Variants in FHIT observed in about 807,000 individuals in gnomAD.
FHIT encodes the protein bis(5'-adenosyl)-triphosphatase.
A neutral mutation model predicts 17.9 loss-of-function variants in FHIT; 19 were observed. The observed-to-expected ratio is 1.06, with a 90% CI of 0.74 to 1.56. The LOEUF (loss-of-function observed/expected upper bound fraction) is 1.56. Among genes scored for constraint, FHIT ranks in the 40% most tolerant of loss-of-function variants. The pLI, the probability that FHIT is intolerant of heterozygous loss-of-function variation, is 0.00. For synonymous variants in FHIT, 81 were observed against 69.7 expected, an observed-to-expected ratio of 1.16 and a Z score of -0.81; for missense variants, 248 against 189.2, an observed-to-expected ratio of 1.31 and a Z score of -1.82.
At chr3:60,244,529 T>C (rs539204534) in intron 5 of FHIT, among the ~76,000 whole-genome samples, 25 of 152,082 alleles carry the variant, frequency 1.6e-4, no homozygotes, top group Non-Finnish European at 3.4e-4. Flanking sequence ...TAACAGTAAA[T>C]AGCTTTTTTA....
chr3:60,903,741 G>A (rs1040123220), intron 3 of FHIT, among the ~76,000 whole-genome samples: 28 of 152,038 alleles, frequency 1.8e-4, no homozygotes, highest in African/African-American at 6.5e-4. Context: ...TCAGCTATTT[G>A]GTGTCTTAAA....
chr3:60,908,267 G>A (rs1411283589), intron 3 of FHIT, among the ~76,000 whole-genome samples: 1 of 152,150 alleles, frequency 6.6e-6, no homozygotes, highest in Non-Finnish European at 1.5e-5. Flanking sequence ...GTTCAGTCAT[G>A]AGTATTATCT....
chr3:60,027,431 G>C (rs1445192274), intron 5 of FHIT, among the ~76,000 whole-genome samples: 1 of 152,012 alleles, frequency 6.6e-6, no homozygotes, highest in African/African-American at 2.4e-5. Context: ...TTCTGTCATG[G>C]GGAATCAGAC....
chr3:60,078,022 T>C (rs1264292098), intron 5 of FHIT, among the ~76,000 whole-genome samples: 1 of 152,078 alleles, frequency 6.6e-6, no homozygotes, highest in Non-Finnish European at 1.5e-5. Context: ...AGAAAAGCCC[T>C]TCCTTACAGA....
chr3:60,433,202 C>T (rs1429575132), intron 5 of FHIT, among the ~76,000 whole-genome samples: 1 of 152,052 alleles, frequency 6.6e-6, no homozygotes, highest in Non-Finnish European at 1.5e-5. Context: ...TATCATCTGA[C>T]ATGATGACCT....
chr3:60,161,470 C>T (rs1195536285), intron 5 of FHIT, among the ~76,000 whole-genome samples: 1 of 152,120 alleles, frequency 6.6e-6, no homozygotes, highest in Non-Finnish European at 1.5e-5. Context: ...TCACAAATGC[C>T]AAGTCTACCC....
At chr3:59,789,656 G>A (rs1439386962) in intron 8 of FHIT, among the ~76,000 whole-genome samples, 2 of 152,162 alleles carry the variant, frequency 1.3e-5, no homozygotes, top group African/African-American at 2.4e-5. Context: ...AGGCATTTAT[G>A]TCTGAATTGT....
intron 7 of FHIT, among the ~76,000 whole-genome samples, chr3:59,962,555 T>G (rs1194354623): frequency 6.6e-6 from 1 of 152,190 alleles, no homozygotes; most frequent in South Asian, 2.1e-4. Context: ...ATTATTATTG[T>G]CCTAAGCAAA....
intron 8 of FHIT, among the ~76,000 whole-genome samples, chr3:59,795,332 C>T (rs976988837): frequency 1.3e-5 from 2 of 150,704 alleles, no homozygotes; most frequent in Non-Finnish European, 3.0e-5. Flanking sequence ...TGCAGTGAGC[C>T]GAGATTGTGC....
At chr3:60,936,450 A>AG (rs1708193789) in intron 3 of FHIT, among the ~76,000 whole-genome samples, 1 of 152,204 alleles carries the variant, frequency 6.6e-6, no homozygotes, top group Non-Finnish European at 1.5e-5. Context: ...CCTTCTGTGA[A>AG]ATGACGAATA....
At chr3:60,363,798 C>T (rs1375084127) in intron 5 of FHIT, among the ~76,000 whole-genome samples, 1 of 152,150 alleles carries the variant, frequency 6.6e-6, no homozygotes, top group African/African-American at 2.4e-5. Context: ...GTGATAGACT[C>T]CAGGCAGGAG....
chr3:60,129,099 C>G (rs1316782876), intron 5 of FHIT, among the ~76,000 whole-genome samples: 1 of 133,906 alleles, frequency 7.5e-6, no homozygotes, highest in East Asian at 2.3e-4. Flanking sequence ...ATTGCCCAGA[C>G]TGGAGTGCAG....
At chr3:61,196,368 T>C (rs1242335815) in intron 2 of FHIT, among the ~76,000 whole-genome samples, 1 of 152,176 alleles carries the variant, frequency 6.6e-6, no homozygotes, top group Non-Finnish European at 1.5e-5. Context: ...AAGTACAATA[T>C]GGTATTTCTT....
chr3:60,872,689 A>T (rs1192076931), intron 3 of FHIT, among the ~76,000 whole-genome samples: 1 of 152,180 alleles, frequency 6.6e-6, no homozygotes, highest in African/African-American at 2.4e-5. Flanking sequence ...ATGATCATTT[A>T]TTGAGACAAA....
chr3:60,223,348 G>A (rs1704048287), intron 5 of FHIT, among the ~76,000 whole-genome samples: 1 of 152,158 alleles, frequency 6.6e-6, no homozygotes, highest in Non-Finnish European at 1.5e-5. Context: ...GGCAGAAGTC[G>A]TGTTCAAATT....
At chr3:60,369,328 G>A (rs530111902) in intron 5 of FHIT, among the ~76,000 whole-genome samples, 31 of 152,216 alleles carry the variant, frequency 2.0e-4, no homozygotes, top group Non-Finnish European at 1.8e-4. Flanking sequence ...TTTTAGGTAA[G>A]ATTCTTCATC....
intron 5 of FHIT, among the ~76,000 whole-genome samples, chr3:60,517,206 AT>A (rs1206273456): frequency 6.6e-6 from 1 of 152,194 alleles, no homozygotes; most frequent in Non-Finnish European, 1.5e-5. Flanking sequence ...ACCTGTGCAA[AT>A]TTTTATCTAT....
chr3:60,771,215 C>G (rs1553722978), intron 4 of FHIT, among the ~76,000 whole-genome samples: 1 of 152,204 alleles, frequency 6.6e-6, no homozygotes, highest in Admixed American at 6.5e-5. Context: ...AGTCAAAAGC[C>G]TAACTCTTCA....
chr3:60,721,427 T>C (rs1416308777), intron 4 of FHIT, among the ~76,000 whole-genome samples: 4 of 152,164 alleles, frequency 2.6e-5, no homozygotes, highest in Non-Finnish European at 4.4e-5. Context: ...CTGCCTTGGT[T>C]TGAAAAACAA....
Sources: gnomAD v4.1 joint callset for allele counts (sites outside exome capture counted in the v4.1 genomes callset) on GRCh38, gnomAD v4.1.1 for gene constraint, MANE v1.5 for transcripts, NCBI Gene and HGNC (gene_info 2026-07-23, HGNC 2026-07-21) for gene names.